The following FAM168A variants were observed in gnomAD, a reference collection of about 807,000 sequenced individuals.
The protein encoded by FAM168A is protein FAM168A.
FAM168A carries 3 observed loss-of-function variants against 28.5 expected under a neutral mutation model. That is an observed-to-expected ratio of 0.11 (90% CI 0.05 to 0.27). FAM168A has a LOEUF of 0.27. Among genes scored for constraint, FAM168A ranks in the 10% least tolerant of loss-of-function variants. FAM168A has a pLI of 1.00. For missense variants in FAM168A, 222 were observed against 311.5 expected (o/e 0.71, Z 2.16); for synonymous variants, 122 against 124.2 (o/e 0.98, Z 0.12).
At chr11:73,517,687 T>C (rs1401063364) in intron 1 of FAM168A, among the ~76,000 whole-genome samples, 1 of 152,186 alleles carries the variant, frequency 6.6e-6, no homozygotes, top group Admixed American at 6.5e-5. Flanking sequence ...TTTTATACTA[T>C]ACAACCTTGT....
intron 1 of FAM168A, among the ~76,000 whole-genome samples, chr11:73,523,911 A>C (rs1370509881): frequency 6.7e-6 from 1 of 148,266 alleles, no homozygotes; most frequent in African/African-American, 2.5e-5. Context: ...CGCCCAAGCC[A>C]GAGTACAATG....
intron 1 of FAM168A, among the ~76,000 whole-genome samples, chr11:73,591,748 G>A (rs1015784344): frequency 2.6e-5 from 4 of 152,110 alleles, no homozygotes; most frequent in Admixed American, 6.5e-5. Context: ...GGGCTCAAGC[G>A]ATCTTCCCAC....
intron 1 of FAM168A, among the ~76,000 whole-genome samples, chr11:73,522,787 T>C: frequency 6.6e-6 from 1 of 151,168 alleles, no homozygotes; most frequent in Non-Finnish European, 1.5e-5. Context: ...TCAAGGAGGG[T>C]GGATCACCTG....
intron 1 of FAM168A, among the ~76,000 whole-genome samples, chr11:73,570,920 T>A (rs1944078704): frequency 6.6e-6 from 1 of 152,178 alleles, no homozygotes; most frequent in African/African-American, 2.4e-5. Context: ...TGTATTATGT[T>A]CATACTAGCA....
Position 73,409,478 on chromosome 11 carries a change from T to C in FAM168A, c.595+9A>G. On this transcript the variant is annotated intron_variant, in intron 6 of 7. Transcript: ENST00000356467. ...AAGGGATGGACACTGATGCAGATGC[T>C]GCCCTCACCTGCTGACATTGCCATG... 6.2e-7 allele frequency: 1 copy of C among 1,613,286 alleles called. No homozygotes were observed.
chr11:73,419,531 G>C (rs1277753892), intron 4 of FAM168A, among the ~76,000 whole-genome samples: 2 of 152,008 alleles, frequency 1.3e-5, no homozygotes, highest in Non-Finnish European at 2.9e-5. Flanking sequence ...CTGTGCTAGA[G>C]GGGGGAGCCC....
chr11:73,506,526 C>G (rs1050999151), intron 1 of FAM168A, among the ~76,000 whole-genome samples: 1 of 152,160 alleles, frequency 6.6e-6, no homozygotes, highest in Non-Finnish European at 1.5e-5. Flanking sequence ...AAATCTATTA[C>G]AGGAAATCAT....
intron 1 of FAM168A, among the ~76,000 whole-genome samples, chr11:73,492,967 C>T (rs561745911): frequency 6.6e-6 from 1 of 152,256 alleles, no homozygotes; most frequent in African/African-American, 2.4e-5. Context: ...TAAGCAGGAA[C>T]TAAACATTGG....
chr11:73,434,134 G>A lies in FAM168A; in HGVS notation c.71-3364C>T, dbSNP rs566809161. Among the ~76,000 whole-genome samples the A allele has an allele frequency of 2.8e-4, 42 of 147,926 alleles. No homozygotes were observed. In the South Asian group the frequency reaches 7.9e-3, roughly 28 times the overall value. On this transcript the variant is annotated intron_variant, in intron 2 of 7. Coordinates refer to ENST00000356467, the MANE Select transcript of FAM168A (RefSeq NM_015159.3). ...GCTGGGATTACAGGCGTGAGCTATC[G>A]TGCCTGGCCAGGTAGGCCTATTTTT...
At position 73,575,095 on chromosome 11, in the gene FAM168A, G is replaced by A. The variant is rs142882532; in HGVS notation, c.-19+22828C>T. 1.4e-4 allele frequency among the ~76,000 whole-genome samples: 22 copies of A among 152,230 alleles called. No homozygotes were observed. In the East Asian group the frequency reaches 4.2e-3, roughly 29 times the overall value. ...ACAAGAGTAAGGGTTATCCAATGAT[G>A]GTCAAAAGGTTTATCCAAGATAACC... On this transcript the variant is annotated intron_variant, in intron 1 of 7. Transcript: ENST00000356467.
chr11:73,597,911 G>A lies in FAM168A; in HGVS notation c.-19+12C>T, dbSNP rs572126846. The A allele has an allele frequency of 6.5e-5, 10 of 153,468 alleles. No homozygotes were observed. In the South Asian group the frequency reaches 1.2e-3, roughly 18 times the overall value. 9.5% of individuals were successfully genotyped at this position (153,468 alleles called of 1,614,324 possible). On this transcript the variant is annotated intron_variant, in intron 1 of 7. Coordinates refer to ENST00000356467, the MANE Select transcript of FAM168A (RefSeq NM_015159.3). ...GGACCAGCGGACCCTGTGGCGGGGG[G>A]AGTCTCCTCACCGGTGAGCAGCTGC...
chr11:73,513,910 A>G (rs548164587), intron 1 of FAM168A, among the ~76,000 whole-genome samples: 6 of 152,158 alleles, frequency 3.9e-5, no homozygotes, highest in African/African-American at 7.2e-5. Flanking sequence ...GTGGCCAGGT[A>G]TGGTGACTCA....
In FAM168A at chr11:73,545,027, A is replaced by ATAAAATTATAT. The variant is rs57233496; in HGVS notation, c.-19+52895_-19+52896insATATAATTTTA. Among the ~76,000 whole-genome samples, 7 of 77,468 alleles carry ATAAAATTATAT rather than the reference A, an allele frequency of 9.0e-5. 1 individual carries two copies. The highest frequency in any genetic ancestry group is 8.3e-4 in the African/African-American group (7 of 8,450). The allele number at this position is 77,468 out of a possible 152,430, so 50.8% of individuals were successfully genotyped here. Reference sequence around the variant, plus strand: ...AATATACTATATATATAGTATATATAATATATATATATTTTTTGGAGACAG... The same window carrying ATAAAATTATAT: ...AATATACTATATATATAGTATATATATAAAATTATATATATATATATATTTTTTGGAGACAG... On this transcript the variant is annotated intron_variant, in intron 1 of 7. Transcript: ENST00000356467.
intron 2 of FAM168A, among the ~76,000 whole-genome samples, chr11:73,444,045 G>A (rs542531492): frequency 2.6e-5 from 4 of 152,198 alleles, no homozygotes; most frequent in African/African-American, 4.8e-5. Flanking sequence ...TGGGAAGAAC[G>A]GGGGTTCTGA....
At chr11:73,442,239 C>A (rs1206240183) in intron 2 of FAM168A, among the ~76,000 whole-genome samples, 1 of 151,842 alleles carries the variant, frequency 6.6e-6, no homozygotes, top group African/African-American at 2.4e-5. Flanking sequence ...CATTCTCCTG[C>A]CTCAGCCTCC....
chr11:73,586,091 T>G (rs1944310527), intron 1 of FAM168A, among the ~76,000 whole-genome samples: 1 of 152,032 alleles, frequency 6.6e-6, no homozygotes, highest in Non-Finnish European at 1.5e-5. Flanking sequence ...CCCTGCTAAG[T>G]TCCAAGTATC....
At chr11:73,479,991 T>C (rs921849589) in intron 1 of FAM168A, among the ~76,000 whole-genome samples, 3 of 152,228 alleles carry the variant, frequency 2.0e-5, no homozygotes, top group African/African-American at 7.2e-5. Context: ...AAGAAAGCCA[T>C]TTTTATAGTA....
At chr11:73,570,656 C>G (rs1431091000) in intron 1 of FAM168A, among the ~76,000 whole-genome samples, 1 of 150,974 alleles carries the variant, frequency 6.6e-6, no homozygotes, top group African/African-American at 2.4e-5. Flanking sequence ...ATCACTGGAG[C>G]CTGGGAAGCT....
chr11:73,541,808 T>C (rs916398858), intron 1 of FAM168A, among the ~76,000 whole-genome samples: 18 of 152,218 alleles, frequency 1.2e-4, no homozygotes, highest in African/African-American at 4.1e-4. Flanking sequence ...GTTTATGATG[T>C]TTATGATGAT....
Sources: gnomAD v4.1 joint callset for allele counts (sites outside exome capture counted in the v4.1 genomes callset) on GRCh38, gnomAD v4.1.1 for gene constraint, MANE v1.5 for transcripts, NCBI Gene and HGNC (gene_info 2026-07-23, HGNC 2026-07-21) for gene names.